Variants in MYO3B observed in about 807,000 individuals in gnomAD.
The protein encoded by MYO3B is myosin-IIIb.
A neutral mutation model predicts 174.6 loss-of-function variants in MYO3B; 156 were observed. The ratio of observed to expected loss-of-function variants is 0.89; its 90% CI spans 0.78 to 1.02. The LOEUF (loss-of-function observed/expected upper bound fraction) is 1.02, where lower values mean the gene tolerates loss of function less well. Among genes scored for constraint, MYO3B ranks in the 50% least tolerant of loss-of-function variants. The pLI is 0.00. For synonymous variants in MYO3B, 563 were observed against 569.1 expected, an observed-to-expected ratio of 0.99 and a Z score of 0.15; for missense variants, 1,632 against 1,639.4, an observed-to-expected ratio of 1.00 and a Z score of 0.08.
chr2:170,626,647 G>A (rs1696461963), intron 32 of MYO3B, among the ~76,000 whole-genome samples: 1 of 151,878 alleles, frequency 6.6e-6, no homozygotes, highest in Non-Finnish European at 1.5e-5. Context: ...GAGGATAGAT[G>A]GTCTTTACAA....
At chr2:170,474,997 G>A (rs1160278387) in intron 25 of MYO3B, among the ~76,000 whole-genome samples, 1 of 152,026 alleles carries the variant, frequency 6.6e-6, no homozygotes, top group East Asian at 1.9e-4. Flanking sequence ...CTTAAGAATG[G>A]TCATCTTGTT....
At chr2:170,436,685 G>A (rs1190930362) in intron 22 of MYO3B, among the ~76,000 whole-genome samples, 2 of 152,152 alleles carry the variant, frequency 1.3e-5, no homozygotes, top group East Asian at 3.8e-4. Flanking sequence ...AGGTAAAAAT[G>A]CAAACAAATC....
chr2:170,569,654 GA>G (rs768767971), intron 32 of MYO3B, among the ~76,000 whole-genome samples: 39 of 151,756 alleles, frequency 2.6e-4, no homozygotes, highest in Non-Finnish European at 5.2e-4. Flanking sequence ...TTGAGGTCAG[GA>G]GTTCAAGACC....
At chr2:170,506,197 C>T (rs191201526) in intron 28 of MYO3B, among the ~76,000 whole-genome samples, 1 of 152,360 alleles carries the variant, frequency 6.6e-6, no homozygotes, top group East Asian at 1.9e-4. Context: ...AGCAGAGTTG[C>T]TTTAAATGCT....
At chr2:170,600,454 T>A (rs1411994192) in intron 32 of MYO3B, among the ~76,000 whole-genome samples, 1 of 152,198 alleles carries the variant, frequency 6.6e-6, no homozygotes, top group Non-Finnish European at 1.5e-5. Context: ...TAATTCATAC[T>A]GAAATGCAAA....
intron 22 of MYO3B, among the ~76,000 whole-genome samples, chr2:170,410,574 C>T (rs1363161101): frequency 2.4e-5 from 3 of 125,482 alleles, no homozygotes; most frequent in Non-Finnish European, 4.9e-5. Flanking sequence ...TGCAAGACTC[C>T]GTCTCAACAA....
At chr2:170,450,558 C>A (rs533386689) in intron 23 of MYO3B, among the ~76,000 whole-genome samples, 1 of 151,864 alleles carries the variant, frequency 6.6e-6, no homozygotes, top group Non-Finnish European at 1.5e-5. Flanking sequence ...TCTCTTCTCT[C>A]TCCCCTCCCT....
chr2:170,261,206 T>G (rs1435984481), intron 7 of MYO3B, among the ~76,000 whole-genome samples: 1 of 151,940 alleles, frequency 6.6e-6, no homozygotes, highest in Non-Finnish European at 1.5e-5. Context: ...TATTTTTTAG[T>G]AGAGACGGGG....
chr2:170,446,731 T>C (rs779435669), intron 23 of MYO3B, among the ~76,000 whole-genome samples: 4 of 152,184 alleles, frequency 2.6e-5, no homozygotes, highest in Non-Finnish European at 5.9e-5. Flanking sequence ...AGTAATATTG[T>C]TTCCTCACCC....
At chr2:170,376,775 G>A (rs2094296838) in intron 9 of MYO3B, among the ~76,000 whole-genome samples, 1 of 152,224 alleles carries the variant, frequency 6.6e-6, no homozygotes, top group Non-Finnish European at 1.5e-5. Context: ...CAATGGTGCT[G>A]ACACAGGGTG....
At chr2:170,458,210 G>T (rs1684022071) in intron 23 of MYO3B, among the ~76,000 whole-genome samples, 1 of 152,214 alleles carries the variant, frequency 6.6e-6, no homozygotes, top group African/African-American at 2.4e-5. Flanking sequence ...AAACACATGA[G>T]TAATGAAGTG....
chr2:170,401,364 T>C, intron 17 of MYO3B, 117 bp from the exon 18 acceptor site: 2 of 903,768 alleles, frequency 2.2e-6, no homozygotes, highest in Admixed American at 2.2e-5. Flanking sequence ...CTGTTTATCT[T>C]TGAGTCAAAA....
At chr2:170,299,366 A>T (rs943005229) in intron 7 of MYO3B, among the ~76,000 whole-genome samples, 1 of 152,176 alleles carries the variant, frequency 6.6e-6, no homozygotes, top group Non-Finnish European at 1.5e-5. Flanking sequence ...CTCCCTGGAC[A>T]TTGCCACTGG....
chr2:170,536,161 G>A (rs1575130479), intron 30 of MYO3B, among the ~76,000 whole-genome samples: 1 of 152,332 alleles, frequency 6.6e-6, no homozygotes, highest in East Asian at 1.9e-4. Flanking sequence ...TGGGCTCACG[G>A]TTGGGGAAAA....
chr2:170,590,985 T>C (rs116514054), intron 32 of MYO3B, among the ~76,000 whole-genome samples: 2,817 of 152,350 alleles, frequency 0.018, 36 homozygotes, highest in Middle Eastern at 0.037. Context: ...CACAGACTTC[T>C]GCTAAAATGG....
intron 32 of MYO3B, among the ~76,000 whole-genome samples, chr2:170,557,586 A>T (rs988528094): frequency 2.6e-5 from 4 of 152,166 alleles, no homozygotes; most frequent in Non-Finnish European, 5.9e-5. Context: ...ATGTTACTTG[A>T]GCACCCACTA....
intron 25 of MYO3B, among the ~76,000 whole-genome samples, chr2:170,478,608 A>T (rs1312810788): frequency 2.2e-5 from 3 of 138,734 alleles, no homozygotes; most frequent in Non-Finnish European, 4.6e-5. Context: ...TCACTCTGTC[A>T]CCCAGGCTGG....
intron 32 of MYO3B, among the ~76,000 whole-genome samples, chr2:170,566,210 A>G (rs190696026): frequency 0.014 from 2,161 of 152,320 alleles, 53 homozygotes; most frequent in East Asian, 0.088. Context: ...TAATGTAAGA[A>G]AGCATCTAAA....
intron 32 of MYO3B, among the ~76,000 whole-genome samples, chr2:170,544,332 AAGAATATGGATTT>A (rs1262360214): frequency 1.3e-5 from 2 of 152,224 alleles, no homozygotes; most frequent in Non-Finnish European, 2.9e-5. Flanking sequence ...GGAGTTGATA[AAGAATATGGATTT>A]AGAAAGTAGT....
Sources: allele counts gnomAD v4.1 joint callset (sites outside exome capture counted in the v4.1 genomes callset), GRCh38; gene constraint gnomAD v4.1.1; transcripts MANE v1.5; gene names NCBI Gene and HGNC (gene_info 2026-07-23, HGNC 2026-07-21).